KDM5A: variants seen among roughly 807,000 people sequenced by gnomAD.
The protein encoded by KDM5A is lysine-specific demethylase 5A.
A neutral mutation model predicts 193.5 loss-of-function variants in KDM5A; 42 were observed. The ratio of observed to expected loss-of-function variants is 0.22; its 90% confidence interval spans 0.17 to 0.28. The LOEUF (loss-of-function observed/expected upper bound fraction) is 0.28. Ranked by LOEUF, KDM5A falls within the 10% of genes least tolerant of loss-of-function variation. The pLI is 1.00. For synonymous variants in KDM5A, 796 were observed against 718.1 expected (o/e 1.11, Z -1.73); for missense variants, 1,692 against 2,055.1 (o/e 0.82, Z 3.42).
intron 24 of KDM5A, among the ~76,000 whole-genome samples, chr12:302,429 C>T (rs1943454461): frequency 6.6e-6 from 1 of 152,208 alleles, no homozygotes; most frequent in African/African-American, 2.4e-5. Flanking sequence ...AAAGGACTCC[C>T]TATTTAATAA....
intron 19 of KDM5A, among the ~76,000 whole-genome samples, chr12:317,357 C>T (rs972509225): frequency 6.6e-6 from 1 of 152,180 alleles, no homozygotes; most frequent in Non-Finnish European, 1.5e-5. Flanking sequence ...TTCTCTGAAG[C>T]TTCTCTACTG....
chr12:290,319 T>C (rs76139905), intron 27 of KDM5A, among the ~76,000 whole-genome samples: 5,977 of 152,168 alleles, frequency 0.039, 370 homozygotes, highest in African/African-American at 0.13. Context: ...ACAGGCAAAA[T>C]ATCTATAATC....
intron 3 of KDM5A, among the ~76,000 whole-genome samples, chr12:378,276 T>C (rs868210816): frequency 8.9e-5 from 13 of 146,156 alleles, no homozygotes; most frequent in Admixed American, 2.0e-4. Context: ...TTAAGCCCCC[T>C]TTTTTTTTTA....
chr12:388,626 T>C (rs1944678719), intron 1 of KDM5A: 1 of 475,136 alleles, frequency 2.1e-6, no homozygotes, highest in Non-Finnish European at 3.9e-6. Flanking sequence ...CGTCACGTCA[T>C]AATACTGTAC....
At chr12:316,931 AT>A (rs1354857066) in intron 19 of KDM5A, among the ~76,000 whole-genome samples, 3 of 152,164 alleles carry the variant, frequency 2.0e-5, no homozygotes, top group African/African-American at 7.2e-5. Context: ...GATACTTTAA[AT>A]TTCAGTTGTG....
chr12:342,807 G>A (rs116438112), intron 10 of KDM5A, among the ~76,000 whole-genome samples: 6,020 of 151,244 alleles, frequency 0.04, 363 homozygotes, highest in African/African-American at 0.13. Context: ...GGGGAGGGGC[G>A]TTCCAAGATG....
intron 15 of KDM5A, among the ~76,000 whole-genome samples, 160 bp downstream of exon 15, chr12:323,440 T>C (rs532396897): frequency 6.6e-6 from 1 of 152,152 alleles, no homozygotes; most frequent in South Asian, 2.1e-4. Context: ...AGCTGCCAGG[T>C]TTAGGGCCAA....
rs2137354937 is a variant in KDM5A, at chr12:285,544, T to C, written c.4985A>G (p.Gln1662Arg). 1 of 1,614,050 alleles carries C rather than the reference T, an allele frequency of 6.2e-7. No individual in the cohort carries two copies. The highest frequency in any genetic ancestry group is 8.5e-7 in the Non-Finnish European group (1 of 1,179,938). Reference sequence around the variant, plus strand: ...TGCTGGACCTGGGCTAACTGGCCCCTGCTTCTTTGCACAGTTTATACAGAT... The same window carrying C: ...TGCTGGACCTGGGCTAACTGGCCCCCGCTTCTTTGCACAGTTTATACAGAT... ...DYICINCAKK[Q>R]GPVSPGPAPP... The change falls in exon 28 of 28, where the codon CAG (glutamine) becomes CGG (arginine). Residue 1662 changes from glutamine (Q) to arginine (R), a missense_variant. By Grantham distance (43) the Gln-to-Arg change is conservative. Around this residue, in one of 11 missense-constraint regions of KDM5A, gnomAD observed 41 missense variants for 36.3 expected, o/e 1.13. Coordinates refer to ENST00000399788, the MANE Select transcript of KDM5A (RefSeq NM_001042603.3).
Position 284,711 on chromosome 12 carries a change from T to C in KDM5A, c.*745A>G. ...AAATGTAGACCCAAGACAGCAAGAC[T>C]TTTCAAAGCCAAAAAACGGCTCCTT... On this transcript the variant is annotated 3_prime_UTR_variant, in exon 28 of 28. Transcript: ENST00000399788. The C allele has an allele frequency of 4.3e-6, 1 of 232,948 alleles. No homozygotes were observed. The highest frequency in any genetic ancestry group is 8.5e-6 in the Non-Finnish European group (1 of 117,680). The allele number at this position is 232,948 out of a possible 1,614,324, so 14.4% of individuals were successfully genotyped here.
chr12:331,140 G>GA lies in KDM5A; in HGVS notation c.1773+678dup, dbSNP rs200116813. On this transcript the variant is annotated intron_variant, in intron 13 of 27. Transcript: ENST00000399788. ...AGTAAAATCACCTAGTTGTCTATCA[G>GA]AAAAAAAAAATTAAGGAATTTGTAA... Among the ~76,000 whole-genome samples, 601 of 148,966 alleles carry GA rather than the reference G, an allele frequency of 4.0e-3. 4 individuals carry two copies. Among genetic ancestry groups the GA allele is most frequent in the African/African-American group, 0.014 (566 of 40,742 alleles).
chr12:342,150 C>T (rs1306927688), intron 10 of KDM5A, among the ~76,000 whole-genome samples: 1 of 152,118 alleles, frequency 6.6e-6, no homozygotes, highest in East Asian at 1.9e-4. Context: ...ATACACCAAG[C>T]AAACAGTAAC....
At chr12:356,843 C>T (rs557087292) in intron 5 of KDM5A, among the ~76,000 whole-genome samples, 25 of 152,310 alleles carry the variant, frequency 1.6e-4, no homozygotes, top group African/African-American at 3.8e-4. Context: ...AACTTCCTAC[C>T]GGACACCTGT....
intron 19 of KDM5A, among the ~76,000 whole-genome samples, chr12:315,466 C>T (rs564784977): frequency 6.6e-6 from 1 of 152,224 alleles, no homozygotes; most frequent in Admixed American, 6.5e-5. Context: ...CCCAGCTACT[C>T]GGAAGCCTGA....
intron 3 of KDM5A, among the ~76,000 whole-genome samples, chr12:382,954 T>A (rs565436153): frequency 3.3e-5 from 5 of 151,736 alleles, no homozygotes; most frequent in African/African-American, 1.2e-4. Flanking sequence ...AAAAAACATA[T>A]CTCAAGGTTA....
chr12:318,412 A>G lies in KDM5A; in HGVS notation c.2591T>C (p.Met864Thr), dbSNP rs1490777374. 2.5e-6 allele frequency: 4 copies of G among 1,614,030 alleles called. No individual in the cohort carries two copies. Among genetic ancestry groups the G allele is most frequent in the Non-Finnish European group, 3.4e-6 (4 of 1,180,000 alleles). Reference protein sequence around the residue: ...EEFHERAQEAMMDETPDSSKL... With the variant: ...EEFHERAQEATMDETPDSSKL... ...GGAAGAATCTGGGGTTTCATCCATC[A>G]TGGCCTCCTGAGCACGTTCATGAAA... Residue 864 changes from methionine to threonine, a missense_variant, in exon 19 of 28, where the codon ATG (methionine) becomes ACG (threonine). This residue lies in a region of KDM5A where 965 missense variants were observed against 1,061.0 expected (regional missense o/e 0.91). Transcript: ENST00000399788.
At chr12:311,362 G>T in intron 20 of KDM5A, 1 of 388,224 alleles carries the variant, frequency 2.6e-6, no homozygotes, top group Non-Finnish European at 4.8e-6. Context: ...ACAGTTAGCA[G>T]GCCAGGCGTG....
chr12:354,200 C>G lies in KDM5A; in HGVS notation c.905G>C (p.Gly302Ala), dbSNP rs1565543913. ...DLYVCMFCGR[G>A]NNEDKLLLCD... is the part of the protein sequence containing the mutation. Reference sequence around the variant, plus strand: ...CAAAAGCAATTTATCTTCATTGTTTCCCCGACCACAAAACATACAAACATA... The same window carrying G: ...CAAAAGCAATTTATCTTCATTGTTTGCCCGACCACAAAACATACAAACATA... The change falls in exon 8 of 28, where the codon GGA (glycine) becomes GCA (alanine). Residue 302 changes from glycine to alanine, a missense_variant. By Grantham distance (60) the Gly-to-Ala change is moderately conservative. Transcript: ENST00000399788. 1 of 1,610,984 alleles carries G rather than the reference C, an allele frequency of 6.2e-7. No individual in the cohort carries two copies. Among genetic ancestry groups the G allele is most frequent in the Non-Finnish European group, 8.5e-7 (1 of 1,177,474 alleles).
chr12:304,066 G>C lies in KDM5A; in HGVS notation c.4074+2880C>G, dbSNP rs188506669. 2.7e-3 allele frequency among the ~76,000 whole-genome samples: 418 copies of C among 152,292 alleles called. 1 individual carries two copies. The highest frequency in any genetic ancestry group is 4.5e-3 in the Non-Finnish European group (308 of 68,034). ...TTAAAGTCCTTGCAATGTTAAGTGA[G>C]CTCTGATTAGGTCTATGATTCTCCT... is the stretch of plus-strand genomic sequence containing the variant. On this transcript the variant is annotated intron_variant, in intron 24 of 27. Transcript: ENST00000399788.
intron 2 of KDM5A, among the ~76,000 whole-genome samples, chr12:384,625 G>T (rs1359079448): frequency 6.6e-6 from 1 of 152,092 alleles, no homozygotes; most frequent in Non-Finnish European, 1.5e-5. Context: ...TAATAAAGAG[G>T]CAAAAGACTT....
Sources: allele counts gnomAD v4.1 joint callset (sites outside exome capture counted in the v4.1 genomes callset), GRCh38; gene constraint gnomAD v4.1.1; regional missense constraint gnomAD v4.1.1; transcripts MANE v1.5; gene names NCBI Gene and HGNC (gene_info 2026-07-23, HGNC 2026-07-21).